DYTN: variants seen among roughly 807,000 people sequenced by gnomAD.
DYTN encodes the protein dystrotelin.
Under a neutral mutation model 69.6 loss-of-function variants are expected in DYTN, and 75 were observed. That is an observed-to-expected ratio of 1.08 (90% confidence interval 0.89 to 1.31). The LOEUF (loss-of-function observed/expected upper bound fraction) is 1.31, where lower values mean the gene tolerates loss of function less well. DYTN is among the 50% of genes most tolerant of loss of function. The pLI is 0.00. For missense variants in DYTN, 726 were observed against 688.4 expected, an observed-to-expected ratio of 1.05 and a Z score of -0.61; for synonymous variants, 252 against 249.1, an observed-to-expected ratio of 1.01 and a Z score of -0.11.
rs1700148226 is a variant in DYTN at position 206,718,325 on chromosome 2, C to T, written c.-46G>A. 6.3e-7 allele frequency: 1 copy of T among 1,589,548 alleles called. No individual in the cohort carries two copies. The highest frequency in any genetic ancestry group is 2.3e-5 in the East Asian group (1 of 44,296). The stretch of plus-strand genomic sequence containing the variant: ...ACAGATGGCAAGTGGGTCCCTGTAA[C>T]TAGAAATGAACCAGTATTTTAAGCA... On this transcript the variant is annotated 5_prime_UTR_variant, in exon 1 of 12. Transcript: ENST00000452335.
intron 7 of DYTN, among the ~76,000 whole-genome samples, 184 bp downstream of exon 7, chr2:206,699,543 A>T (rs959040066): frequency 6.6e-6 from 1 of 152,254 alleles, no homozygotes; most frequent in African/African-American, 2.4e-5. Context: ...TTCATCCATT[A>T]TAGAAGATAA....
intron 1 of DYTN, among the ~76,000 whole-genome samples, chr2:206,716,070 G>C (rs1216845158): frequency 6.6e-6 from 1 of 152,128 alleles, no homozygotes; most frequent in African/African-American, 2.4e-5. Context: ...CCTGGTGGCA[G>C]AGCGAGACTC....
intron 5 of DYTN, 118 bp from the exon 6 acceptor site, chr2:206,700,334 G>T: frequency 9.2e-7 from 1 of 1,083,762 alleles, no homozygotes; most frequent in Non-Finnish European, 1.4e-6. Flanking sequence ...TGGTATCTGA[G>T]ACGAGGTGAA....
At chr2:206,655,312 C>T (rs1699435306) in intron 11 of DYTN, among the ~76,000 whole-genome samples, 1 of 149,384 alleles carries the variant, frequency 6.7e-6, no homozygotes, top group Admixed American at 6.7e-5. Flanking sequence ...GTGATGTGAT[C>T]ATAGTTCACT....
At chr2:206,681,167 C>T (rs1387940050) in intron 9 of DYTN, among the ~76,000 whole-genome samples, 1 of 152,098 alleles carries the variant, frequency 6.6e-6, no homozygotes, top group African/African-American at 2.4e-5. Context: ...TGATTTGGCT[C>T]TCTGCTTGTC....
intron 5 of DYTN, 84 bp from the exon 6 acceptor site, chr2:206,700,300 C>T: frequency 6.8e-7 from 1 of 1,462,560 alleles, no homozygotes; most frequent in Non-Finnish European, 9.6e-7. Context: ...AGCTGGTGCC[C>T]ACGGCTGTGT....
intron 8 of DYTN, among the ~76,000 whole-genome samples, chr2:206,694,151 G>A (rs1329803180): frequency 1.3e-5 from 2 of 152,112 alleles, no homozygotes; most frequent in Non-Finnish European, 2.9e-5. Flanking sequence ...TTCTTTCTGG[G>A]AAAAAATAGA....
intron 1 of DYTN, among the ~76,000 whole-genome samples, chr2:206,713,299 T>C (rs1700095936): frequency 6.6e-6 from 1 of 152,252 alleles, no homozygotes; most frequent in Non-Finnish European, 1.5e-5. Flanking sequence ...TACATTGTTA[T>C]TAACTATAGT....
intron 7 of DYTN, among the ~76,000 whole-genome samples, chr2:206,698,006 A>G (rs1190542283): frequency 6.6e-6 from 1 of 152,258 alleles, no homozygotes; most frequent in Non-Finnish European, 1.5e-5. Flanking sequence ...TTATATAATT[A>G]CAAAGTTAAT....
chr2:206,714,356 C>A (rs930357059), intron 1 of DYTN, among the ~76,000 whole-genome samples: 1 of 152,206 alleles, frequency 6.6e-6, no homozygotes, highest in South Asian at 2.1e-4. Context: ...GCGCACACCA[C>A]CACGCCCGGC....
intron 9 of DYTN, among the ~76,000 whole-genome samples, chr2:206,678,248 A>G (rs1699711735): frequency 6.6e-6 from 1 of 152,148 alleles, no homozygotes; most frequent in Non-Finnish European, 1.5e-5. Flanking sequence ...TGCAAATTAA[A>G]GCAAATTAAA....
At chr2:206,680,026 G>A (rs1699733679) in intron 9 of DYTN, among the ~76,000 whole-genome samples, 1 of 152,206 alleles carries the variant, frequency 6.6e-6, no homozygotes, top group African/African-American at 2.4e-5. Flanking sequence ...TGAGATCAGA[G>A]TGCCAGCGTG....
In DYTN at chr2:206,710,571, A is replaced by G. The variant is rs770968709; in HGVS notation, c.47T>C (p.Ile16Thr). 2 of 1,611,694 alleles carry G rather than the reference A, an allele frequency of 1.2e-6. No individual in the cohort carries two copies. The highest frequency in any genetic ancestry group is 1.7e-6 in the Non-Finnish European group (2 of 1,178,902). ...QDALNSIENS[I>T]YRTAFKLQSV... ...TTGTAATTTGAAGGCTGTTCTATAAATGGAATTCTCAATACTATTAAGAGC... is the reference window on the plus strand; with the variant it reads ...TTGTAATTTGAAGGCTGTTCTATAAGTGGAATTCTCAATACTATTAAGAGC... Residue 16 changes from isoleucine to threonine, a missense_variant, in exon 2 of 12, where the codon ATT becomes ACT. Transcript: ENST00000452335.
Position 206,707,282 on chromosome 2 carries a change from C to T in DYTN, c.296+20G>A, listed in dbSNP as rs1314951197. 4.4e-6 allele frequency: 7 copies of T among 1,604,570 alleles called. No individual in the cohort carries two copies. Among genetic ancestry groups the T allele is most frequent in the Non-Finnish European group, 3.4e-6 (4 of 1,175,840 alleles). Reference sequence around the variant, plus strand: ...CTAAACTTTGCCTTTGAGGTCACAGCGCGACGTCCACACCCTCACCTGTTG... The same window carrying T: ...CTAAACTTTGCCTTTGAGGTCACAGTGCGACGTCCACACCCTCACCTGTTG... On this transcript the variant is annotated intron_variant, in intron 3 of 11. Coordinates refer to ENST00000452335, the MANE Select transcript of DYTN (RefSeq NM_001093730.1).
chr2:206,715,254 T>C (rs1700115780), intron 1 of DYTN, among the ~76,000 whole-genome samples: 1 of 151,996 alleles, frequency 6.6e-6, no homozygotes, highest in South Asian at 2.1e-4. Context: ...GGGTCCTAGG[T>C]TTGGATGGAT....
intron 5 of DYTN, among the ~76,000 whole-genome samples, chr2:206,700,669 T>C (rs1402222185): frequency 6.6e-6 from 1 of 152,124 alleles, no homozygotes; most frequent in Non-Finnish European, 1.5e-5. Context: ...TAGATATACA[T>C]GTGCCATGGT....
intron 11 of DYTN, among the ~76,000 whole-genome samples, chr2:206,652,146 C>T (rs1371803030): frequency 3.3e-5 from 5 of 152,196 alleles, no homozygotes; most frequent in Admixed American, 6.5e-5. Context: ...CCCACGGCTC[C>T]TTGCACAAAT....
chr2:206,716,844 C>T (rs924508096), intron 1 of DYTN, among the ~76,000 whole-genome samples: 5 of 151,984 alleles, frequency 3.3e-5, no homozygotes, highest in African/African-American at 9.7e-5. Flanking sequence ...GGTAGAGGAG[C>T]GACTCTGTAG....
At chr2:206,679,501 G>A (rs951544291) in intron 9 of DYTN, among the ~76,000 whole-genome samples, 8 of 152,194 alleles carry the variant, frequency 5.3e-5, no homozygotes, top group African/African-American at 1.9e-4. Flanking sequence ...ATGCAGGTAT[G>A]TGTTTATCAC....
Sources: gnomAD v4.1 joint callset for allele counts (sites outside exome capture counted in the v4.1 genomes callset) on GRCh38, gnomAD v4.1.1 for gene constraint, MANE v1.5 for transcripts, NCBI Gene and HGNC (gene_info 2026-07-23, HGNC 2026-07-21) for gene names.